Variants in ME1 observed in about 807,000 individuals in gnomAD.
ME1 encodes the protein malic enzyme 1.
In ME1, 74 loss-of-function variants were observed where a neutral mutation model predicts 66.4. The ratio of observed to expected loss-of-function variants is 1.11; its 90% confidence interval spans 0.92 to 1.35. ME1 has a LOEUF of 1.35. ME1 is among the 40% of genes most tolerant of loss of function. The pLI is 0.00. For synonymous variants in ME1, 251 were observed against 235.6 expected, an observed-to-expected ratio of 1.07 and a Z score of -0.60; for missense variants, 750 against 694.1, an observed-to-expected ratio of 1.08 and a Z score of -0.90.
intron 3 of ME1, among the ~76,000 whole-genome samples, chr6:83,360,580 T>C (rs975171468): frequency 3.3e-5 from 5 of 152,290 alleles, no homozygotes; most frequent in Non-Finnish European, 7.4e-5. Context: ...GTGAGGGCTA[T>C]TATGGTAGGA....
chr6:83,211,769 C>A lies in ME1; in HGVS notation c.*155G>T. On this transcript the variant is annotated 3_prime_UTR_variant, in exon 14 of 14. Coordinates refer to ENST00000369705, the MANE Select transcript of ME1 (RefSeq NM_002395.6). ...AAAATTGTCTCATGTGATGTTTATC[C>A]CAATTTATATCGATATTCTTCTATC... The A allele has an allele frequency of 2.0e-6, 1 of 502,232 alleles. No homozygotes were observed. Among genetic ancestry groups the A allele is most frequent in the Non-Finnish European group, 3.3e-6 (1 of 307,290 alleles). The allele number at this position is 502,232 out of a possible 1,614,324, so 31.1% of individuals were successfully genotyped here. A position where few individuals can be genotyped will look rare whatever the true frequency, so the allele number is the denominator to read the frequency against.
At chr6:83,361,257 G>C (rs1415214770) in intron 3 of ME1, among the ~76,000 whole-genome samples, 1 of 152,226 alleles carries the variant, frequency 6.6e-6, no homozygotes, top group East Asian at 1.9e-4. Context: ...TGGTCCAGTG[G>C]TGTGGGGACT....
chr6:83,289,601 T>A (rs1767462645), intron 6 of ME1, among the ~76,000 whole-genome samples: 1 of 152,144 alleles, frequency 6.6e-6, no homozygotes. Context: ...TTTCTTTTTT[T>A]GTTGTGTCTC....
chr6:83,269,481 G>A (rs545934774), intron 6 of ME1, among the ~76,000 whole-genome samples: 143 of 152,228 alleles, frequency 9.4e-4, no homozygotes, highest in Non-Finnish European at 1.4e-3. Flanking sequence ...GTATTATGAA[G>A]TAGTTAAACA....
At chr6:83,258,522 A>G (rs1766822553) in intron 6 of ME1, among the ~76,000 whole-genome samples, 3 of 152,314 alleles carry the variant, frequency 2.0e-5, no homozygotes, top group South Asian at 4.1e-4. Context: ...CTAGGTGCAA[A>G]TGGTTTTAAA....
At chr6:83,290,753 T>C (rs993858737) in intron 6 of ME1, among the ~76,000 whole-genome samples, 1 of 152,146 alleles carries the variant, frequency 6.6e-6, no homozygotes, top group Non-Finnish European at 1.5e-5. Context: ...TGTGTGGGAG[T>C]CTAAGTCTCT....
chr6:83,340,162 AT>A (rs1157312497), intron 5 of ME1, among the ~76,000 whole-genome samples: 3 of 152,206 alleles, frequency 2.0e-5, no homozygotes, highest in South Asian at 2.1e-4. Context: ...TGACCACAGT[AT>A]TTTTTAGTTG....
At chr6:83,402,258 T>A (rs552943717) in intron 2 of ME1, among the ~76,000 whole-genome samples, 2 of 152,116 alleles carry the variant, frequency 1.3e-5, no homozygotes, top group African/African-American at 4.8e-5. Flanking sequence ...TCAATCAGTG[T>A]CCAAAAAAAT....
Position 83,269,247 on chromosome 6 carries a change from TG to T in ME1, c.705-15510del, listed in dbSNP as rs1216298013. On this transcript the variant is annotated intron_variant, in intron 6 of 13. Coordinates refer to ENST00000369705, the MANE Select transcript of ME1 (RefSeq NM_002395.6). Reference sequence around the variant, plus strand: ...ATCTTGTTCCTCTATCATTTATGTTTGTTTTTTTTCTATAATAAACTGTACA... The same window carrying T: ...ATCTTGTTCCTCTATCATTTATGTTTTTTTTTTTCTATAATAAACTGTACA... 7.9e-5 allele frequency among the ~76,000 whole-genome samples: 12 copies of T among 151,354 alleles called. No individual in the cohort carries two copies. The East Asian group carries it at 1.2e-3, about 15-fold the overall frequency.
Position 83,223,939 on chromosome 6 carries a change from A to G in ME1, c.1276-6T>C. 3 of 1,613,082 alleles carry G rather than the reference A, an allele frequency of 1.9e-6. No individual in the cohort carries two copies. The highest frequency in any genetic ancestry group is 1.7e-6 in the Non-Finnish European group (2 of 1,179,416). Reference sequence around the variant, plus strand: ...CTGGCAAAAATTGCACGTCCCTACAACAAAGACACATACAACTCACTTTAA... The same window carrying G: ...CTGGCAAAAATTGCACGTCCCTACAGCAAAGACACATACAACTCACTTTAA... On this transcript the variant is annotated splice_region_variant and splice_polypyrimidine_tract_variant and intron_variant, in intron 11 of 13. Transcript: ENST00000369705.
chr6:83,425,017 TG>T (rs1770341992), intron 1 of ME1, among the ~76,000 whole-genome samples: 1 of 152,230 alleles, frequency 6.6e-6, no homozygotes, highest in Non-Finnish European at 1.5e-5. Context: ...TGTTTTGCTT[TG>T]TTTTGTTTTT....
chr6:83,223,927 C>T lies in ME1; in HGVS notation c.1282G>A (p.Ala428Thr), dbSNP rs1195994859. ...AAAGGACTGCCACTGGCAAAAATTG[C>T]ACGTCCCTACAACAAAGACACATAC... ...EQCYKITKGR[A>T]IFASGSPFDP... is the part of the protein sequence containing the mutation. Residue 428 changes from alanine (A) to threonine (T), a missense_variant, in exon 12 of 14, where the codon GCA becomes ACA. Transcript: ENST00000369705. 3 of 1,613,478 alleles carry T rather than the reference C, an allele frequency of 1.9e-6. No individual in the cohort carries two copies. The highest frequency in any genetic ancestry group is 1.6e-4 in the Middle Eastern group (1 of 6,078).
intron 1 of ME1, among the ~76,000 whole-genome samples, chr6:83,426,382 A>G (rs1254930436): frequency 6.6e-6 from 1 of 152,166 alleles, no homozygotes; most frequent in Non-Finnish European, 1.5e-5. Context: ...CTATACTACT[A>G]CTGTTGTTTC....
At chr6:83,330,362 C>G (rs1583385330) in intron 5 of ME1, among the ~76,000 whole-genome samples, 1 of 152,040 alleles carries the variant, frequency 6.6e-6, no homozygotes, top group African/African-American at 2.4e-5. Flanking sequence ...AGCAAAGTAA[C>G]CATCACATTC....
chr6:83,321,733 A>G (rs928239524), intron 5 of ME1, among the ~76,000 whole-genome samples: 1 of 152,212 alleles, frequency 6.6e-6, no homozygotes, highest in Non-Finnish European at 1.5e-5. Flanking sequence ...GCTTCAGCAG[A>G]CTTAAACTTT....
intron 4 of ME1, among the ~76,000 whole-genome samples, chr6:83,351,504 T>G (rs1768802385): frequency 6.6e-6 from 1 of 152,196 alleles, no homozygotes; most frequent in South Asian, 2.1e-4. Flanking sequence ...TTCCCACCAC[T>G]ATCTTAAGCT....
At chr6:83,262,834 A>G (rs1327648055) in intron 6 of ME1, among the ~76,000 whole-genome samples, 1 of 152,230 alleles carries the variant, frequency 6.6e-6, no homozygotes, top group African/African-American at 2.4e-5. Flanking sequence ...TTGGTAATGT[A>G]GTAAGATACC....
chr6:83,341,291 T>A (rs971576475), intron 5 of ME1, among the ~76,000 whole-genome samples: 2 of 152,236 alleles, frequency 1.3e-5, no homozygotes, highest in Non-Finnish European at 2.9e-5. Flanking sequence ...GACTCTTCCC[T>A]ATGCATCTCT....
chr6:83,281,663 G>A (rs189725426), intron 6 of ME1, among the ~76,000 whole-genome samples: 30 of 151,600 alleles, frequency 2.0e-4, no homozygotes, highest in Admixed American at 1.8e-3. Context: ...ACAATTAGCC[G>A]AGTGTGGTGG....
Sources: allele counts gnomAD v4.1 joint callset (sites outside exome capture counted in the v4.1 genomes callset), GRCh38; gene constraint gnomAD v4.1.1; transcripts MANE v1.5; gene names NCBI Gene and HGNC (gene_info 2026-07-23, HGNC 2026-07-21).